Variants in PPP1R36 observed in about 807,000 individuals in gnomAD.
The protein encoded by PPP1R36 is chromosome 14 open reading frame 50.
PPP1R36 carries 47 observed loss-of-function variants against 53.4 expected under a neutral mutation model. The observed-to-expected ratio is 0.88, with a 90% CI of 0.70 to 1.12. The LOEUF (loss-of-function observed/expected upper bound fraction) is 1.12, where lower values mean the gene tolerates loss of function less well. Among genes scored for constraint, PPP1R36 ranks in the 50% most tolerant of loss-of-function variants. The probability of loss-of-function intolerance (pLI) is 0.00; values close to 1 mark genes in which losing one functional copy is unlikely to be tolerated. For missense variants in PPP1R36, 456 were observed against 513.9 expected (o/e 0.89, Z 1.09); for synonymous variants, 153 against 170.5 (o/e 0.90, Z 0.80).
intron 3 of PPP1R36, chr14:64,561,978 C>T (rs137933942): frequency 2.6e-5 from 9 of 350,880 alleles, no homozygotes; most frequent in East Asian, 2.3e-4. Flanking sequence ...TCTGCATTTA[C>T]GTGATGGATT....
chr14:64,563,621 G>A (rs1005657014), intron 3 of PPP1R36, among the ~76,000 whole-genome samples: 1 of 152,184 alleles, frequency 6.6e-6, no homozygotes. Flanking sequence ...CTTTATTACT[G>A]TCATGGGGAG....
chr14:64,556,127 AT>A lies in PPP1R36; in HGVS notation c.182+3286del, dbSNP rs35877479. ...CAAAATCTGAAGTCTTTGTAGATTG[AT>A]TTTTTTTTTTTTTTTTTTTGAGACA... On this transcript the variant is annotated intron_variant, in intron 3 of 11. Transcript: ENST00000298705. Among the ~76,000 whole-genome samples the A allele has an allele frequency of 1.4e-3, 174 of 125,372 alleles. 1 individual carries two copies. The highest frequency in any genetic ancestry group is 3.2e-3 in the Admixed American group (37 of 11,548). The allele number at this position is 125,372 out of a possible 152,430, so 82.2% of individuals were successfully genotyped here.
intron 7 of PPP1R36, among the ~76,000 whole-genome samples, chr14:64,568,922 A>C (rs990276665): frequency 9.9e-5 from 15 of 152,162 alleles, no homozygotes; most frequent in Non-Finnish European, 2.2e-4. Flanking sequence ...CAGTAGCCAC[A>C]TGTGGCTAGT....
At chr14:64,558,312 C>G (rs1173090265) in intron 3 of PPP1R36, among the ~76,000 whole-genome samples, 1 of 152,104 alleles carries the variant, frequency 6.6e-6, no homozygotes, top group Non-Finnish European at 1.5e-5. Flanking sequence ...GGTGTGGTGG[C>G]TCACTCCTGT....
intron 3 of PPP1R36, among the ~76,000 whole-genome samples, chr14:64,561,079 A>G (rs1033210647): frequency 2.6e-5 from 4 of 152,214 alleles, no homozygotes; most frequent in African/African-American, 9.7e-5. Context: ...AATCTGTTTC[A>G]TAAAGTAACA....
chr14:64,550,218 G>C, intron 1 of PPP1R36, 152 bp downstream of exon 1: 4 of 1,379,100 alleles, frequency 2.9e-6, no homozygotes, highest in Non-Finnish European at 3.7e-6. Context: ...GGCCATATTT[G>C]CCTAGAAAAA....
intron 3 of PPP1R36, among the ~76,000 whole-genome samples, chr14:64,559,889 G>C (rs940598076): frequency 6.6e-6 from 1 of 151,742 alleles, no homozygotes; most frequent in Non-Finnish European, 1.5e-5. Flanking sequence ...AAATACCTGA[G>C]GTCAGGAGTT....
chr14:64,584,849 A>G (rs2080418556), intron 8 of PPP1R36, among the ~76,000 whole-genome samples: 1 of 152,224 alleles, frequency 6.6e-6, no homozygotes, highest in South Asian at 2.1e-4. Context: ...GGATGTTATA[A>G]AGACTAGATA....
rs2080082087 is a variant in PPP1R36 at position 64,550,091 on chromosome 14, A to T, written c.69+25A>T. ...TGTAAGTGCAGCCTTGGTCGCCCCC[A>T]TACCCGGGCTGGGCGCAAGGCGGGC... On this transcript the variant is annotated intron_variant, in intron 1 of 11. Coordinates refer to ENST00000298705, the MANE Select transcript of PPP1R36 (RefSeq NM_172365.3). 3 of 1,548,980 alleles carry T rather than the reference A, an allele frequency of 1.9e-6. No homozygotes were observed. The East Asian group carries it at 7.3e-5, about 38-fold the overall frequency.
At chr14:64,556,876 A>G (rs2080159110) in intron 3 of PPP1R36, among the ~76,000 whole-genome samples, 1 of 151,742 alleles carries the variant, frequency 6.6e-6, no homozygotes. Context: ...GTGCCGTGGC[A>G]TGATCTTAGC....
chr14:64,550,164 G>C (rs540719542), intron 1 of PPP1R36, 98 bp downstream of exon 1: 4 of 1,478,462 alleles, frequency 2.7e-6, no homozygotes, highest in African/African-American at 1.5e-5. Flanking sequence ...CTCCAGAGGC[G>C]GGTCGTCGCC....
At chr14:64,585,400 C>T (rs2080424037) in intron 8 of PPP1R36, among the ~76,000 whole-genome samples, 1 of 151,432 alleles carries the variant, frequency 6.6e-6, no homozygotes, top group South Asian at 2.1e-4. Context: ...CCTGTAGTCT[C>T]AGCTACTTGG....
At chr14:64,577,883 G>A (rs1338043416) in intron 8 of PPP1R36, among the ~76,000 whole-genome samples, 8 of 151,276 alleles carry the variant, frequency 5.3e-5, no homozygotes, top group South Asian at 4.2e-4. Flanking sequence ...CCGCCACCAC[G>A]CCCGGCTAAT....
chr14:64,571,477 C>T (rs773322641), intron 7 of PPP1R36, among the ~76,000 whole-genome samples: 67 of 152,102 alleles, frequency 4.4e-4, no homozygotes, highest in Middle Eastern at 6.8e-3. Flanking sequence ...TTACTATAAT[C>T]TTCATAATTA....
rs2080437734 is a variant in PPP1R36, at chr14:64,586,881, T to G, written c.711+2T>G. The G allele has an allele frequency of 6.2e-7, 1 of 1,610,676 alleles. No individual in the cohort carries two copies. Among genetic ancestry groups the G allele is most frequent in the Non-Finnish European group, 8.5e-7 (1 of 1,177,232 alleles). The stretch of plus-strand genomic sequence containing the variant: ...CAGAAAGACTGGAAGTTCTTTGAGG[T>G]GAGTCACTTATGTTTTGGTGCTTTT... On this transcript the variant is annotated splice_donor_variant, in intron 9 of 11. Coordinates refer to ENST00000298705, the MANE Select transcript of PPP1R36 (RefSeq NM_172365.3). LOFTEE classifies it high-confidence loss of function.
chr14:64,578,955 T>C (rs1041903560), intron 8 of PPP1R36, among the ~76,000 whole-genome samples: 1 of 152,196 alleles, frequency 6.6e-6, no homozygotes, highest in South Asian at 2.1e-4. Context: ...ATGCCTTCTG[T>C]GGGAACATGG....
At chr14:64,555,730 T>TA (rs1036643129) in intron 3 of PPP1R36, among the ~76,000 whole-genome samples, 7 of 151,322 alleles carry the variant, frequency 4.6e-5, no homozygotes, top group African/African-American at 9.7e-5. Flanking sequence ...CCCCGTCTCT[T>TA]AAAAAAAAAT....
chr14:64,565,490 C>T (rs1398636860), intron 5 of PPP1R36, 36 bp downstream of exon 5: 1 of 1,490,154 alleles, frequency 6.7e-7, no homozygotes, highest in Non-Finnish European at 9.4e-7. Flanking sequence ...CATAAACATA[C>T]ATCTGTACAT....
chr14:64,575,618 C>T (rs994616571), intron 8 of PPP1R36, among the ~76,000 whole-genome samples: 14 of 150,586 alleles, frequency 9.3e-5, no homozygotes, highest in Admixed American at 6.6e-5. Context: ...ATACATACTG[C>T]TAGATTGTTC....
Sources: allele counts gnomAD v4.1 joint callset (sites outside exome capture counted in the v4.1 genomes callset), GRCh38; gene constraint gnomAD v4.1.1; transcripts MANE v1.5; gene names NCBI Gene and HGNC (gene_info 2026-07-23, HGNC 2026-07-21).